Variants in RNF8 observed in about 807,000 individuals in gnomAD.
The protein encoded by RNF8 is ring finger protein 8.
In RNF8, 8 loss-of-function variants were observed where a neutral mutation model predicts 59.3. The ratio of observed to expected loss-of-function variants is 0.13; its 90% CI spans 0.08 to 0.24. The LOEUF is 0.24. Ranked by LOEUF, RNF8 falls within the 10% of genes least tolerant of loss-of-function variation. The pLI, the probability that RNF8 is intolerant of heterozygous loss-of-function variation, is 1.00. For synonymous variants in RNF8, 162 were observed against 200.0 expected (o/e 0.81, Z 1.60); for missense variants, 406 against 572.6 (o/e 0.71, Z 2.97).
chr6:37,378,920 A>G (rs1770136373), intron 6 of RNF8, among the ~76,000 whole-genome samples: 2 of 152,088 alleles, frequency 1.3e-5, no homozygotes. Flanking sequence ...GACATAAACA[A>G]CTTGACCCTG....
intron 7 of RNF8, among the ~76,000 whole-genome samples, chr6:37,384,390 G>T (rs369329): frequency 6.6e-6 from 1 of 151,836 alleles, no homozygotes; most frequent in African/African-American, 2.4e-5. Context: ...GATGTACCCC[G>T]CTCCGCCCCC....
At chr6:37,390,657 C>T (rs1770693325) in intron 7 of RNF8, 85 bp from the exon 8 acceptor site, 1 of 944,450 alleles carries the variant, frequency 1.1e-6, no homozygotes. Context: ...GAGGAAGAGA[C>T]AGGGTGGCGA....
chr6:37,374,174 G>C (rs1460063423), intron 4 of RNF8, among the ~76,000 whole-genome samples: 1 of 152,056 alleles, frequency 6.6e-6, no homozygotes, highest in African/African-American at 2.4e-5. Context: ...ATTTCCTCCT[G>C]ATTATTTCAT....
rs769042080 is a variant in RNF8 at position 37,381,332 on chromosome 6, T to A, written c.1419T>A (p.Ile473=). 1 of 1,614,100 alleles carries A rather than the reference T, an allele frequency of 6.2e-7. No homozygotes were observed. Among genetic ancestry groups the A allele is most frequent in the Non-Finnish European group, 8.5e-7 (1 of 1,180,044 alleles). The change falls in exon 7 of 8, where the codon ATT becomes ATA. Residue 473 remains isoleucine (I), a synonymous_variant. Coordinates refer to ENST00000373479, the MANE Select transcript of RNF8 (RefSeq NM_003958.4). ...GCTCAGAAGTGAAAGAACGACGAAT[T>A]GTTCTCATTAGGGAACGAAAAGGTG... ...NLSSEVKERR[I]VLIRERKAKR...
chr6:37,386,764 G>A (rs1770521717), intron 7 of RNF8, among the ~76,000 whole-genome samples: 1 of 152,190 alleles, frequency 6.6e-6, no homozygotes, highest in African/African-American at 2.4e-5. Flanking sequence ...CATCAGGCTG[G>A]GAAAAGGGCC....
At chr6:37,363,950 C>T (rs558186426) in intron 2 of RNF8, among the ~76,000 whole-genome samples, 15 of 152,150 alleles carry the variant, frequency 9.9e-5, no homozygotes, top group Non-Finnish European at 2.1e-4. Context: ...GAGGCCGAGG[C>T]GGGCGGATCA....
intron 7 of RNF8, among the ~76,000 whole-genome samples, chr6:37,386,463 G>C (rs1770506606): frequency 6.6e-6 from 1 of 152,212 alleles, no homozygotes; most frequent in South Asian, 2.1e-4. Context: ...GCTTAGGAGA[G>C]TGGCCTTCCT....
At chr6:37,372,302 A>G (rs534110040) in intron 4 of RNF8, among the ~76,000 whole-genome samples, 1 of 152,346 alleles carries the variant, frequency 6.6e-6, no homozygotes, top group Non-Finnish European at 1.5e-5. Context: ...TTATCCTTTT[A>G]TCGTAAACCT....
chr6:37,379,527 A>G (rs75659042), intron 6 of RNF8, among the ~76,000 whole-genome samples: 1,545 of 152,328 alleles, frequency 0.01, 25 homozygotes, highest in African/African-American at 0.036. Context: ...TAACAAAGAA[A>G]AAGGTTTGTA....
chr6:37,363,623 A>T (rs552674873), intron 2 of RNF8, among the ~76,000 whole-genome samples: 1 of 152,208 alleles, frequency 6.6e-6, no homozygotes, highest in Non-Finnish European at 1.5e-5. Context: ...AGGTATTGGT[A>T]AGGATATGGA....
Position 37,360,813 on chromosome 6 carries a change from G to A in RNF8, c.240+239G>A, listed in dbSNP as rs1018579768. 1.3e-5 allele frequency among the ~76,000 whole-genome samples: 2 copies of A among 152,092 alleles called. No individual in the cohort carries two copies. The highest frequency in any genetic ancestry group is 2.9e-5 in the Non-Finnish European group (2 of 68,006). ...ACTTGAAGAGAATACCTGAATTGGG[G>A]TAGTAGGTCCTATTCCAGAAACTAG... On this transcript the variant is annotated intron_variant, in intron 2 of 7. Coordinates refer to ENST00000373479, the MANE Select transcript of RNF8 (RefSeq NM_003958.4). The surrounding 1 kb of genome is among the most constrained non-coding windows in gnomAD (Gnocchi z 4.2).
chr6:37,377,164 C>T, intron 6 of RNF8, 131 bp downstream of exon 6: 2 of 575,072 alleles, frequency 3.5e-6, no homozygotes. Context: ...CCTCCACTTC[C>T]TGGGCTCAAG....
Position 37,392,578 on chromosome 6 carries a change from A to G in RNF8, c.*1820A>G. ...TTGCACAAATGGTAAACTGTACGCT[A>G]TTCTGAACCTTGCTTTTTTCAGATA... On this transcript the variant is annotated 3_prime_UTR_variant, in exon 8 of 8. Transcript: ENST00000373479. The G allele has an allele frequency of 5.0e-6, 2 of 398,574 alleles. No homozygotes were observed. The highest frequency in any genetic ancestry group is 8.8e-6 in the Non-Finnish European group (2 of 226,036). The allele number at this position is 398,574 out of a possible 1,614,324, so 24.7% of individuals were successfully genotyped here. A position where few individuals can be genotyped will look rare whatever the true frequency, so the allele number is the denominator to read the frequency against.
At chr6:37,387,384 C>A (rs1770549825) in intron 7 of RNF8, among the ~76,000 whole-genome samples, 1 of 152,140 alleles carries the variant, frequency 6.6e-6, no homozygotes. Flanking sequence ...TTCTGTCACC[C>A]AGGCTGAGTG....
intron 7 of RNF8, 112 bp from the exon 8 acceptor site, chr6:37,390,630 C>G: frequency 1.4e-6 from 1 of 720,434 alleles, no homozygotes; most frequent in Non-Finnish European, 2.4e-6. Flanking sequence ...TTTCTCAGTT[C>G]GCTATGGCTG....
intron 7 of RNF8, among the ~76,000 whole-genome samples, chr6:37,386,503 C>T (rs1339853467): frequency 6.6e-6 from 1 of 152,152 alleles, no homozygotes; most frequent in African/African-American, 2.4e-5. Flanking sequence ...TCAGTACACC[C>T]TAAATGTATG....
chr6:37,373,654 C>T (rs553823094), intron 4 of RNF8, among the ~76,000 whole-genome samples: 14 of 152,236 alleles, frequency 9.2e-5, no homozygotes, highest in South Asian at 4.1e-4. Flanking sequence ...GCCATCCACC[C>T]GGCTCAGCCT....
At chr6:37,374,784 C>A in intron 5 of RNF8, 75 bp downstream of exon 5, 1 of 1,040,596 alleles carries the variant, frequency 9.6e-7, no homozygotes, top group Non-Finnish European at 1.5e-6. Context: ...GCAAGGGTTG[C>A]TAGGGAAAAT....
At chr6:37,376,838 C>G in intron 5 of RNF8, 88 bp from the exon 6 acceptor site, 1 of 785,156 alleles carries the variant, frequency 1.3e-6, no homozygotes, top group Non-Finnish European at 2.3e-6. Flanking sequence ...AAGACTGAAT[C>G]CTCTTCTAAA....
Sources: gnomAD v4.1 joint callset for allele counts (sites outside exome capture counted in the v4.1 genomes callset) on GRCh38, gnomAD v4.1.1 for gene constraint, Gnocchi (gnomAD v3.1) non-coding constraint, MANE v1.5 for transcripts, NCBI Gene and HGNC (gene_info 2026-07-23, HGNC 2026-07-21) for gene names.